TOE1: variants seen among roughly 807,000 people sequenced by gnomAD.
TOE1 encodes the protein target of EGR1, exonuclease.
In TOE1, 50 loss-of-function variants were observed where a neutral mutation model predicts 49.2. The ratio of observed to expected loss-of-function variants is 1.02; its 90% CI spans 0.81 to 1.29. The LOEUF (loss-of-function observed/expected upper bound fraction) is 1.29. TOE1 is among the 50% of genes most tolerant of loss of function. TOE1 has a pLI of 0.00. For missense variants in TOE1, 544 were observed against 654.4 expected (o/e 0.83, Z 1.84); for synonymous variants, 221 against 247.0 (o/e 0.89, Z 0.99).
Position 45,343,815 on chromosome 1 carries a change from A to G in TOE1, c.*113A>G. ...GGGGAGGGGGAATGTCTTGACAGAC[A>G]TCACTGCATTGCCCTGGACCGCCTC... On this transcript the variant is annotated 3_prime_UTR_variant, in exon 8 of 8. Transcript: ENST00000372090. This position sits in a 1 kb window ranked among gnomAD's most constrained non-coding sequence, Gnocchi z 4.3. The G allele has an allele frequency of 7.7e-7, 1 of 1,298,678 alleles. No individual in the cohort carries two copies. Among genetic ancestry groups the G allele is most frequent in the South Asian group, 1.4e-5 (1 of 71,030 alleles). 80.4% of individuals were successfully genotyped at this position (1,298,678 alleles called of 1,614,324 possible). A position where few individuals can be genotyped will look rare whatever the true frequency, so the allele number is the denominator to read the frequency against.
In TOE1 at chr1:45,343,016, C is replaced by T. The variant is rs1487129444; in HGVS notation, c.912+14C>T. 6.2e-7 allele frequency: 1 copy of T among 1,613,688 alleles called. No individual in the cohort carries two copies. On this transcript the variant is annotated intron_variant, in intron 7 of 7. Coordinates refer to ENST00000372090, the MANE Select transcript of TOE1 (RefSeq NM_025077.4). The surrounding 1 kb of genome is among the most constrained non-coding windows in gnomAD (Gnocchi z 4.3). ...GACAACTTCTCGGTGAGAGCACCCACCTGTTTCTTGGGAGGGAAGGTTCTG... is the reference window on the plus strand; with the variant it reads ...GACAACTTCTCGGTGAGAGCACCCATCTGTTTCTTGGGAGGGAAGGTTCTG...
At position 45,342,584 on chromosome 1, in the gene TOE1, T is replaced by A. The variant is rs1570621555; in HGVS notation, c.693T>A (p.Tyr231Ter). The part of the protein sequence containing the change: ...MFPAGIYDTK[Y>*]AAEFHARFVA... ...CAGCAGGCATTTATGACACCAAATA[T>A]GCTGCTGAGTTTCATGCCCGTTTCG... The change falls in exon 6 of 8, where the codon TAT becomes TAA. Residue 231 changes from tyrosine to a stop codon, truncating the protein, a stop_gained. Transcript: ENST00000372090. LOFTEE classifies it high-confidence loss of function. The A allele has an allele frequency of 1.9e-6, 3 of 1,614,148 alleles. No individual in the cohort carries two copies.
Position 45,343,600 on chromosome 1 carries a change from T to C in TOE1, c.1431T>C (p.Tyr477=), listed in dbSNP as rs1647091526. ...PWLPECHNKV[Y]LSGKAVPLTV... ...TCCCTGAATGCCACAATAAGGTATA[T>C]TTGAGTGGCAAAGCTGTACCCCTCA... Residue 477 remains tyrosine, a synonymous_variant, in exon 8 of 8, where the codon TAT becomes TAC. Coordinates refer to ENST00000372090, the MANE Select transcript of TOE1 (RefSeq NM_025077.4). The surrounding 1 kb of genome is among the most constrained non-coding windows in gnomAD (Gnocchi z 4.3). 3 of 1,614,088 alleles carry C rather than the reference T, an allele frequency of 1.9e-6. No homozygotes were observed. The highest frequency in any genetic ancestry group is 1.7e-5 in the Admixed American group (1 of 60,014).
At position 45,342,424 on chromosome 1, in the gene TOE1, T is replaced by C. The variant is rs774216136; in HGVS notation, c.533T>C (p.Leu178Pro). The change falls in exon 6 of 8, where the codon CTG (leucine) becomes CCG (proline). Residue 178 changes from leucine to proline, a missense_variant. Physicochemically the swap from Leu to Pro is moderately conservative, Grantham distance 98. Coordinates refer to ENST00000372090, the MANE Select transcript of TOE1 (RefSeq NM_025077.4). The part of the protein sequence containing the change: ...SQSQSVRTLF[L>P]ELIRARRPLV... ...AGCCAGTCAGTACGGACCCTATTCC[T>C]GGAGCTAATCCGAGCCCGCCGGCCC... 5.6e-6 allele frequency: 9 copies of C among 1,614,138 alleles called. No individual in the cohort carries two copies. Among genetic ancestry groups the C allele is most frequent in the Non-Finnish European group, 7.6e-6 (9 of 1,180,028 alleles).
In TOE1 at chr1:45,340,287, C is replaced by T. The variant is rs978180720; in HGVS notation, c.35C>T (p.Ala12Val). The T allele has an allele frequency of 3.7e-6, 6 of 1,613,464 alleles. No homozygotes were observed. Among genetic ancestry groups the T allele is most frequent in the Admixed American group, 1.7e-5 (1 of 59,998 alleles). Reference protein sequence around the residue: ...AADSDDGAVSAPAASDGGVSK... With the variant: ...AADSDDGAVSVPAASDGGVSK... ...GACAGTGACGATGGCGCAGTTTCAG[C>T]TCCCGCAGCTTCCGACGGTGAGCGG... Residue 12 changes from alanine (A) to valine (V), a missense_variant, in exon 1 of 8, where the codon GCT becomes GTT. Transcript: ENST00000372090.
Position 45,340,203 on chromosome 1 carries a change from C to A in TOE1, c.-50C>A. 6.2e-7 allele frequency: 1 copy of A among 1,613,624 alleles called. No homozygotes were observed. Among genetic ancestry groups the A allele is most frequent in the Non-Finnish European group, 8.5e-7 (1 of 1,179,970 alleles). The stretch of plus-strand genomic sequence containing the variant: ...GCCTGAACCGCGCCAGGAGACGGAC[C>A]GCAAGTCCAGCGTACCCACAGACGA... On this transcript the variant is annotated 5_prime_UTR_variant, in exon 1 of 8. Transcript: ENST00000372090.
chr1:45,342,412 G>A lies in TOE1; in HGVS notation c.521G>A (p.Arg174Gln), dbSNP rs769225253. Residue 174 changes from arginine to glutamine, a missense_variant, in exon 6 of 8, where the codon CGG (arginine) becomes CAG (glutamine). By Grantham distance (43) the Arg-to-Gln change is conservative (BLOSUM62 1). Coordinates refer to ENST00000372090, the MANE Select transcript of TOE1 (RefSeq NM_025077.4). ...GATGAGAGCCAGAGCCAGTCAGTACGGACCCTATTCCTGGAGCTAATCCGA... is the reference window on the plus strand; with the variant it reads ...GATGAGAGCCAGAGCCAGTCAGTACAGACCCTATTCCTGGAGCTAATCCGA... ...KGDESQSQSV[R>Q]TLFLELIRAR... is the part of the protein sequence containing the mutation. The A allele has an allele frequency of 1.1e-5, 17 of 1,613,962 alleles. No homozygotes were observed. Among genetic ancestry groups the A allele is most frequent in the African/African-American group, 5.3e-5 (4 of 74,884 alleles).
Position 45,342,537 on chromosome 1 carries a change from G to T in TOE1, c.646G>T (p.Ala216Ser), listed in dbSNP as rs1049616324. 6.2e-7 allele frequency: 1 copy of T among 1,614,016 alleles called. No individual in the cohort carries two copies. Among genetic ancestry groups the T allele is most frequent in the African/African-American group, 1.3e-5 (1 of 74,880 alleles). The change falls in exon 6 of 8, where the codon GCT (alanine) becomes TCT (serine). Residue 216 changes from alanine to serine, a missense_variant. By Grantham distance (99) the Ala-to-Ser change is moderately conservative (BLOSUM62 1). Transcript: ENST00000372090. Reference protein sequence around the residue: ...HLPESLGTFTADLCEMFPAGI... With the variant: ...HLPESLGTFTSDLCEMFPAGI... ...CCCTGAGAGTCTGGGAACCTTCACC[G>T]CTGACCTGTGTGAGATGTTCCCAGC...
At chr1:45,342,708 T>C (rs764659017) in intron 6 of TOE1, 65 bp downstream of exon 6, 13 of 1,600,908 alleles carry the variant, frequency 8.1e-6, no homozygotes, top group Non-Finnish European at 1.7e-6. Context: ...ACTTAAGATA[T>C]TTATTGAGCT....
intron 3 of TOE1, 48 bp downstream of exon 3, chr1:45,341,391 TG>T (rs746420493): frequency 6.2e-6 from 10 of 1,613,280 alleles, no homozygotes; most frequent in East Asian, 2.2e-5. Flanking sequence ...AACTGTGGAG[TG>T]GGGGGGTCAC....
chr1:45,341,408 T>C, intron 3 of TOE1, 65 bp downstream of exon 3: 2 of 1,614,094 alleles, frequency 1.2e-6, no homozygotes, highest in Non-Finnish European at 1.7e-6. Context: ...GTCACAGACC[T>C]GGGTGGTTTG....
Position 45,343,708 on chromosome 1 carries a change from C to G in TOE1, c.*6C>G, listed in dbSNP as rs769382666. On this transcript the variant is annotated 3_prime_UTR_variant, in exon 8 of 8. Transcript: ENST00000372090. The surrounding 1 kb of genome is among the most constrained non-coding windows in gnomAD (Gnocchi z 4.3). ...TCACTTGGGGCAGTAGCTGATGCAACTTCCACCTTGCTCTCAGGTGGAACA... is the reference window on the plus strand; with the variant it reads ...TCACTTGGGGCAGTAGCTGATGCAAGTTCCACCTTGCTCTCAGGTGGAACA... 7 of 1,601,890 alleles carry G rather than the reference C, an allele frequency of 4.4e-6. No homozygotes were observed. In the South Asian group the frequency reaches 6.6e-5, roughly 15 times the overall value.
In TOE1 at chr1:45,343,402, G is replaced by C; in HGVS notation, c.1233G>C (p.Arg411Ser). 3 of 1,614,066 alleles carry C rather than the reference G, an allele frequency of 1.9e-6. No individual in the cohort carries two copies. Among genetic ancestry groups the C allele is most frequent in the Non-Finnish European group, 2.5e-6 (3 of 1,180,014 alleles). ...NDLEMGIKAA[R>S]PEIADRATSE... ...TAGAGATGGGGATTAAGGCAGCAAG[G>C]CCTGAAATAGCTGATAGAGCTACCT... Residue 411 changes from arginine (R) to serine (S), a missense_variant, in exon 8 of 8, where the codon AGG (arginine) becomes AGC (serine). Transcript: ENST00000372090. This position sits in a 1 kb window ranked among gnomAD's most constrained non-coding sequence, Gnocchi z 4.3.
chr1:45,341,255 G>T, intron 2 of TOE1, 40 bp downstream of exon 2: 10 of 1,614,164 alleles, frequency 6.2e-6, no homozygotes, highest in Non-Finnish European at 8.5e-6. Flanking sequence ...GGTTGTGAAG[G>T]GGCTGGTGCT....
chr1:45,342,800 AGCTTATAT>A, intron 6 of TOE1, 35 bp from the exon 7 acceptor site: 1 of 1,612,710 alleles, frequency 6.2e-7, no homozygotes, highest in South Asian at 1.1e-5. Flanking sequence ...GCTCTTATGG[AGCTTATAT>A]GCTAGTGGAC....
Position 45,342,466 on chromosome 1 carries a change from G to A in TOE1, c.575G>A (p.Gly192Asp), listed in dbSNP as rs781748718. The change falls in exon 6 of 8, where the codon GGC (glycine) becomes GAC (aspartate). Residue 192 changes from glycine to aspartate, a missense_variant. Physicochemically the swap from Gly to Asp is moderately conservative, Grantham distance 94 (BLOSUM62 -1). Transcript: ENST00000372090. ...RARRPLVLHNGLIDLVFLYQN... is the reference protein window; with the variant it reads ...RARRPLVLHNDLIDLVFLYQN... ...CGCCGGCCCCTGGTGCTACACAATG[G>A]CCTTATAGACTTGGTGTTCCTGTAC... The A allele has an allele frequency of 6.2e-7, 1 of 1,614,132 alleles. No homozygotes were observed. The highest frequency in any genetic ancestry group is 8.5e-7 in the Non-Finnish European group (1 of 1,180,028).
At position 45,343,906 on chromosome 1, in the gene TOE1, T is replaced by G. The variant is rs1647098952; in HGVS notation, c.*204T>G. 1 of 479,678 alleles carries G rather than the reference T, an allele frequency of 2.1e-6. No individual in the cohort carries two copies. The allele number at this position is 479,678 out of a possible 1,614,324, so 29.7% of individuals were successfully genotyped here. On this transcript the variant is annotated 3_prime_UTR_variant, in exon 8 of 8. Transcript: ENST00000372090. This position sits in a 1 kb window ranked among gnomAD's most constrained non-coding sequence, Gnocchi z 4.3. The stretch of plus-strand genomic sequence containing the variant: ...AGCACCTGTAACACTGACTTTATTT[T>G]TAAGTCTGAAAATGTCTTGGGAAAG...
chr1:45,341,554 G>T lies in TOE1; in HGVS notation c.318G>T (p.Lys106Asn), dbSNP rs1007156298. 6.2e-7 allele frequency: 1 copy of T among 1,613,674 alleles called. No individual in the cohort carries two copies. Among genetic ancestry groups the T allele is most frequent in the Admixed American group, 1.7e-5 (1 of 59,934 alleles). The change falls in exon 4 of 8, where the codon AAG (lysine) becomes AAT (asparagine). Residue 106 changes from lysine to asparagine, a missense_variant. Lys to Asn is a moderately conservative substitution (Grantham distance 94, BLOSUM62 0). Transcript: ENST00000372090. ...TTTCCCTGGGCCTCGCCTGCTTCAA[G>T]CGGCAGCCAGACAAGGTATGAGCTG... is the stretch of plus-strand genomic sequence containing the variant. ...SILSLGLACFKRQPDKGEHSY... is the reference protein window; with the variant it reads ...SILSLGLACFNRQPDKGEHSY...
Position 45,342,463 on chromosome 1 carries a change from A to G in TOE1, c.572A>G (p.Asn191Ser), listed in dbSNP as rs142753932. The G allele has an allele frequency of 3.0e-5, 48 of 1,613,996 alleles. No individual in the cohort carries two copies. Among genetic ancestry groups the G allele is most frequent in the Non-Finnish European group, 3.9e-5 (46 of 1,180,030 alleles). The part of the protein sequence containing the change: ...IRARRPLVLH[N>S]GLIDLVFLYQ... ...GCCCGCCGGCCCCTGGTGCTACACA[A>G]TGGCCTTATAGACTTGGTGTTCCTG... is the stretch of plus-strand genomic sequence containing the variant. Residue 191 changes from asparagine to serine, a missense_variant, in exon 6 of 8, where the codon AAT becomes AGT. By Grantham distance (46) the Asn-to-Ser change is conservative. Transcript: ENST00000372090.
Sources: gnomAD v4.1 joint callset for allele counts on GRCh38, gnomAD v4.1.1 for gene constraint, Gnocchi (gnomAD v3.1) non-coding constraint, MANE v1.5 for transcripts, NCBI Gene and HGNC (gene_info 2026-07-23, HGNC 2026-07-21) for gene names.